NEDD9: variants seen among roughly 807,000 people sequenced by gnomAD.
NEDD9 encodes the protein neural precursor cell expressed, developmentally down-regulated 9.
NEDD9 carries 26 observed loss-of-function variants against 76.6 expected under a neutral mutation model. The observed-to-expected ratio is 0.34, with a 90% CI of 0.25 to 0.47. The LOEUF (loss-of-function observed/expected upper bound fraction) is 0.47, where lower values mean the gene tolerates loss of function less well. Among genes scored for constraint, NEDD9 ranks in the 20% least tolerant of loss-of-function variants. The pLI is 1.00. For missense variants in NEDD9, 937 were observed against 1,058.5 expected (o/e 0.89, Z 1.59); for synonymous variants, 392 against 414.2 (o/e 0.95, Z 0.65).
intron 3 of NEDD9, among the ~76,000 whole-genome samples, chr6:11,285,457 C>A (rs1298055387): frequency 1.3e-5 from 2 of 152,058 alleles, no homozygotes; most frequent in Non-Finnish European, 2.9e-5. Flanking sequence ...AATCAAAAGC[C>A]CAGTAGGCTT....
chr6:11,214,920 A>C (rs2113761728), intron 1 of NEDD9, among the ~76,000 whole-genome samples: 1 of 152,292 alleles, frequency 6.6e-6, no homozygotes, highest in Non-Finnish European at 1.5e-5. Context: ...ATTTTATACC[A>C]TGACATATTC....
intron 3 of NEDD9, among the ~76,000 whole-genome samples, chr6:11,255,974 GGAGGAA>G (rs1196865489): frequency 6.6e-6 from 1 of 151,966 alleles, no homozygotes. Context: ...TTTTTGCTAC[GGAGGAA>G]TACAGGAGTA....
intron 3 of NEDD9, among the ~76,000 whole-genome samples, chr6:11,296,599 G>A (rs1240737238): frequency 6.6e-6 from 1 of 152,060 alleles, no homozygotes; most frequent in African/African-American, 2.4e-5. Context: ...GGGAAAGAAT[G>A]GCAAAATTTC....
chr6:11,347,044 A>G (rs555538397), intron 1 of NEDD9, among the ~76,000 whole-genome samples: 29 of 152,078 alleles, frequency 1.9e-4, no homozygotes, highest in African/African-American at 6.8e-4. Context: ...TGCTCTCCTC[A>G]GCCCTCTCCA....
At chr6:11,281,380 A>G (rs1288424920) in intron 3 of NEDD9, among the ~76,000 whole-genome samples, 1 of 152,214 alleles carries the variant, frequency 6.6e-6, no homozygotes, top group Non-Finnish European at 1.5e-5. Flanking sequence ...TTGAAAAGAT[A>G]ATTATGCAGG....
chr6:11,364,604 A>C (rs1762731277), intron 1 of NEDD9, among the ~76,000 whole-genome samples: 2 of 152,158 alleles, frequency 1.3e-5, no homozygotes, highest in African/African-American at 4.8e-5. Context: ...TTTTGCTTGT[A>C]ACCCTTAAGG....
At chr6:11,221,136 A>G (rs903612750) in intron 1 of NEDD9, among the ~76,000 whole-genome samples, 12 of 152,226 alleles carry the variant, frequency 7.9e-5, no homozygotes, top group African/African-American at 2.9e-4. Flanking sequence ...TAATCCCAGC[A>G]CTTTGGGAGG....
intron 2 of NEDD9, among the ~76,000 whole-genome samples, chr6:11,197,507 A>G (rs897349106): frequency 6.6e-6 from 1 of 152,088 alleles, no homozygotes; most frequent in Middle Eastern, 3.2e-3. Flanking sequence ...ATGTTAGTAT[A>G]CCATTCTCAG....
At chr6:11,363,836 G>A (rs1036125142) in intron 1 of NEDD9, among the ~76,000 whole-genome samples, 1 of 151,924 alleles carries the variant, frequency 6.6e-6, no homozygotes, top group African/African-American at 2.4e-5. Context: ...AATAGTAAGG[G>A]CTAAAAAAAT....
At chr6:11,200,158 G>A in intron 2 of NEDD9, 2 of 257,028 alleles carry the variant, frequency 7.8e-6, no homozygotes, top group Non-Finnish European at 1.6e-5. Context: ...TTGGGTAAGG[G>A]GGAACATTGG....
At chr6:11,330,257 G>A (rs1230435966) in intron 2 of NEDD9, among the ~76,000 whole-genome samples, 1 of 152,202 alleles carries the variant, frequency 6.6e-6, no homozygotes, top group African/African-American at 2.4e-5. Context: ...TCCAAAGTTA[G>A]ACACTCCTTC....
At chr6:11,365,225 G>A (rs936963992) in intron 1 of NEDD9, among the ~76,000 whole-genome samples, 6 of 152,016 alleles carry the variant, frequency 3.9e-5, no homozygotes, top group Admixed American at 2.6e-4. Context: ...GAAACATCCC[G>A]TTTCTTTCCA....
chr6:11,306,443 G>A (rs1036583734), intron 2 of NEDD9, among the ~76,000 whole-genome samples: 1 of 152,166 alleles, frequency 6.6e-6, no homozygotes, highest in African/African-American at 2.4e-5. Flanking sequence ...CATCATTTCG[G>A]GTCAAATGTG....
At chr6:11,317,916 T>TC in intron 2 of NEDD9, among the ~76,000 whole-genome samples, 1 of 152,170 alleles carries the variant, frequency 6.6e-6, no homozygotes, top group Admixed American at 6.5e-5. Flanking sequence ...CAGGTGGCCC[T>TC]CCCGATGCAG....
In NEDD9 at chr6:11,362,691, G is replaced by A. The variant is rs372101836; in HGVS notation, c.-214+19448C>T. On this transcript the variant is annotated intron_variant, in intron 1 of 3. Coordinates refer to the NEDD9 transcript ENST00000397378. ...GTTGACTATAGTCATCCAGGAAATA[G>A]TCACCTACTCACTTGGGATATGTCA... is the stretch of plus-strand genomic sequence containing the variant. Among the ~76,000 whole-genome samples, 23 of 152,332 alleles carry A rather than the reference G, an allele frequency of 1.5e-4. No homozygotes were observed. The East Asian group carries it at 4.4e-3, about 29-fold the overall frequency.
intron 1 of NEDD9, among the ~76,000 whole-genome samples, chr6:11,357,078 C>T (rs1762590217): frequency 6.6e-6 from 1 of 152,140 alleles, no homozygotes; most frequent in Non-Finnish European, 1.5e-5. Flanking sequence ...CATTTTGCTT[C>T]GTTTTTCACT....
chr6:11,356,750 C>G (rs1341906329), intron 1 of NEDD9, among the ~76,000 whole-genome samples: 2 of 149,496 alleles, frequency 1.3e-5, no homozygotes, highest in East Asian at 2.1e-4. Flanking sequence ...TTTCCCCTCC[C>G]CCTGGTATAG....
intron 2 of NEDD9, among the ~76,000 whole-genome samples, chr6:11,207,152 G>A (rs759745154): frequency 6.6e-6 from 1 of 152,210 alleles, no homozygotes. Flanking sequence ...GGTGAAGTCA[G>A]AATTTAACTT....
chr6:11,361,717 G>A (rs1474758981), intron 1 of NEDD9, among the ~76,000 whole-genome samples: 1 of 152,118 alleles, frequency 6.6e-6, no homozygotes, highest in African/African-American at 2.4e-5. Context: ...CAAAAACCAT[G>A]TCATTTTTAT....
Sources: gnomAD v4.1 joint callset for allele counts (sites outside exome capture counted in the v4.1 genomes callset) on GRCh38, gnomAD v4.1.1 for gene constraint, MANE v1.5 for transcripts, NCBI Gene and HGNC (gene_info 2026-07-23, HGNC 2026-07-21) for gene names.